The following PAN3 variants were observed in gnomAD, a reference collection of about 807,000 sequenced individuals.
PAN3 encodes poly(A) specific ribonuclease subunit PAN3.
PAN3 carries 19 observed loss-of-function variants against 96.2 expected under a neutral mutation model. That is an observed-to-expected ratio of 0.20 (90% CI 0.14 to 0.29). The LOEUF (loss-of-function observed/expected upper bound fraction) is 0.29, where lower values mean the gene tolerates loss of function less well. Among genes scored for constraint, PAN3 ranks in the 10% least tolerant of loss-of-function variants. The pLI is 1.00. For synonymous variants in PAN3, 433 were observed against 406.6 expected (o/e 1.06, Z -0.78); for missense variants, 882 against 1,108.1 (o/e 0.80, Z 2.90).
rs564297234 is a variant in PAN3 at position 28,174,760 on chromosome 13, G to GTCACTACTCA, written c.552+373_552+382dup. 2.2e-4 allele frequency among the ~76,000 whole-genome samples: 34 copies of GTCACTACTCA among 152,212 alleles called. No homozygotes were observed. In the South Asian group the frequency reaches 6.6e-3, roughly 30 times the overall value. On this transcript the variant is annotated intron_variant, in intron 2 of 18. Transcript: ENST00000380958. ...TAAGTTACAAAAGGGCCTCCCTCTC[G>GTCACTACTCA]TCACTACTCATCACTTTTCCAGTTA...
intron 4 of PAN3, among the ~76,000 whole-genome samples, chr13:28,192,947 G>A (rs1018472341): frequency 1.3e-5 from 2 of 151,900 alleles, no homozygotes; most frequent in Non-Finnish European, 2.9e-5. Context: ...GTATTTTGTC[G>A]CTTATAATGG....
intron 13 of PAN3, 133 bp downstream of exon 13, chr13:28,270,999 A>T: frequency 3.1e-6 from 3 of 974,046 alleles, no homozygotes; most frequent in South Asian, 2.0e-5. Context: ...CTTTGAATTC[A>T]TTTGTAAGCT....
intron 5 of PAN3, among the ~76,000 whole-genome samples, chr13:28,217,915 A>T (rs1880987174): frequency 6.6e-6 from 1 of 151,904 alleles, no homozygotes. Flanking sequence ...TATATAACTC[A>T]AGTTCTTATG....
chr13:28,231,988 C>T (rs894924608), intron 6 of PAN3, among the ~76,000 whole-genome samples: 3 of 152,100 alleles, frequency 2.0e-5, no homozygotes, highest in Admixed American at 2.0e-4. Context: ...AGATTTTGTA[C>T]TTTTAATCAG....
At chr13:28,234,882 C>CT (rs1292010825) in intron 6 of PAN3, among the ~76,000 whole-genome samples, 1 of 151,936 alleles carries the variant, frequency 6.6e-6, no homozygotes, top group Non-Finnish European at 1.5e-5. Flanking sequence ...TTCTATTTTC[C>CT]TTTTTTTACT....
At chr13:28,269,047 A>G (rs1385539481) in intron 12 of PAN3, among the ~76,000 whole-genome samples, 1 of 152,156 alleles carries the variant, frequency 6.6e-6, no homozygotes, top group Non-Finnish European at 1.5e-5. Flanking sequence ...GCTTTAATTT[A>G]TAACTGTGTT....
At chr13:28,223,981 G>A (rs1593508310) in intron 6 of PAN3, among the ~76,000 whole-genome samples, 1 of 139,500 alleles carries the variant, frequency 7.2e-6, no homozygotes, top group East Asian at 2.2e-4. Flanking sequence ...CCATTCTCCT[G>A]CCTCAGCCTC....
chr13:28,276,243 A>G (rs1036028582), intron 14 of PAN3, among the ~76,000 whole-genome samples: 6 of 152,246 alleles, frequency 3.9e-5, no homozygotes, highest in African/African-American at 1.4e-4. Context: ...ATATACAGCT[A>G]TGCTTGAAAA....
intron 5 of PAN3, among the ~76,000 whole-genome samples, chr13:28,217,165 G>T (rs539323742): frequency 1.8e-4 from 28 of 152,072 alleles, no homozygotes; most frequent in African/African-American, 5.3e-4. Context: ...TAACGGTCAG[G>T]ATTCTTGATT....
intron 6 of PAN3, among the ~76,000 whole-genome samples, chr13:28,250,753 G>A (rs1456288770): frequency 2.0e-5 from 3 of 152,046 alleles, no homozygotes; most frequent in Non-Finnish European, 4.4e-5. Context: ...GTCCGCCTGC[G>A]TCAGCCTCCC....
intron 4 of PAN3, among the ~76,000 whole-genome samples, chr13:28,180,853 C>CT (rs1875674931): frequency 6.6e-6 from 1 of 151,920 alleles, no homozygotes; most frequent in African/African-American, 2.4e-5. Flanking sequence ...AAATGAAGGA[C>CT]TGAGTTTTTT....
intron 6 of PAN3, among the ~76,000 whole-genome samples, chr13:28,240,585 G>A (rs1221513520): frequency 1.3e-5 from 2 of 152,166 alleles, no homozygotes; most frequent in Non-Finnish European, 2.9e-5. Flanking sequence ...TAGGCTAGAA[G>A]TACAAATAGT....
intron 5 of PAN3, 64 bp downstream of exon 5, chr13:28,197,410 T>C: frequency 6.8e-7 from 1 of 1,461,600 alleles, no homozygotes; most frequent in Non-Finnish European, 9.2e-7. Context: ...CTGTGTCTGT[T>C]TGGGGTGGTG....
At chr13:28,204,776 G>A (rs2138280403) in intron 5 of PAN3, among the ~76,000 whole-genome samples, 1 of 152,280 alleles carries the variant, frequency 6.6e-6, no homozygotes, top group South Asian at 2.1e-4. Context: ...CCTAAAAGTA[G>A]TGATACATTA....
chr13:28,250,198 ACT>A (rs1466505273), intron 6 of PAN3, among the ~76,000 whole-genome samples: 2 of 137,478 alleles, frequency 1.5e-5, no homozygotes, highest in African/African-American at 5.6e-5. Context: ...TTTGCTCAGA[ACT>A]CTTTTTTTTT....
At chr13:28,280,371 C>CATGTTGGA (rs1394390433) in intron 15 of PAN3, 41 bp from the exon 16 acceptor site, 2 of 1,566,980 alleles carry the variant, frequency 1.3e-6, no homozygotes, top group African/African-American at 2.7e-5. Flanking sequence ...TTTTAAATTG[C>CATGTTGGA]ATGTTGGACA....
intron 4 of PAN3, among the ~76,000 whole-genome samples, chr13:28,192,851 A>G (rs1408425448): frequency 6.6e-6 from 1 of 152,216 alleles, no homozygotes; most frequent in East Asian, 1.9e-4. Context: ...TATAATTTAC[A>G]TTCTATGCAA....
intron 6 of PAN3, among the ~76,000 whole-genome samples, chr13:28,240,599 C>T (rs1883566160): frequency 6.6e-6 from 1 of 152,128 alleles, no homozygotes; most frequent in Non-Finnish European, 1.5e-5. Context: ...AAATAGTCAT[C>T]CATCATGGCA....
intron 18 of PAN3, among the ~76,000 whole-genome samples, chr13:28,290,102 A>C (rs187908493): frequency 3.3e-5 from 5 of 152,360 alleles, no homozygotes; most frequent in African/African-American, 9.6e-5. Context: ...AGAGCCTCGA[A>C]TAGTTTTACA....
Sources: gnomAD v4.1 joint callset for allele counts (sites outside exome capture counted in the v4.1 genomes callset) on GRCh38, gnomAD v4.1.1 for gene constraint, MANE v1.5 for transcripts, NCBI Gene and HGNC (gene_info 2026-07-23, HGNC 2026-07-21) for gene names.